FGF1: variants seen among roughly 807,000 people sequenced by gnomAD.
The protein encoded by FGF1 is fibroblast growth factor 1.
Under a neutral mutation model 13.4 loss-of-function variants are expected in FGF1, and 9 were observed. That is an observed-to-expected ratio of 0.67 (90% CI 0.40 to 1.17). The LOEUF is 1.17. FGF1 is among the 50% of genes most tolerant of loss of function. FGF1 has a pLI of 0.01. For synonymous variants in FGF1, 93 were observed against 79.0 expected (o/e 1.18, Z -0.94); for missense variants, 156 against 192.7 (o/e 0.81, Z 1.13).
intron 1 of FGF1, among the ~76,000 whole-genome samples, chr5:142,648,329 A>G (rs1561661509): frequency 6.6e-6 from 1 of 152,182 alleles, no homozygotes; most frequent in African/African-American, 2.4e-5. Flanking sequence ...ATGCAGCCAT[A>G]AAAAAGGATG....
chr5:142,639,017 A>T (rs1398476558), intron 1 of FGF1, among the ~76,000 whole-genome samples: 1 of 152,056 alleles, frequency 6.6e-6, no homozygotes, highest in Non-Finnish European at 1.5e-5. Flanking sequence ...AAGACAAAAG[A>T]TAACAAGTAT....
chr5:142,599,077 C>G (rs1755908447), intron 3 of FGF1, among the ~76,000 whole-genome samples: 1 of 152,164 alleles, frequency 6.6e-6, no homozygotes, highest in African/African-American at 2.4e-5. Context: ...CATGTACGCT[C>G]TGTGTGAGGC....
At chr5:142,659,415 G>C (rs1768778551) in intron 1 of FGF1, among the ~76,000 whole-genome samples, 2 of 151,952 alleles carry the variant, frequency 1.3e-5, no homozygotes, top group South Asian at 4.2e-4. Flanking sequence ...TTTTAGTAGA[G>C]ACAGGGTTTC....
chr5:142,618,921 G>GTTTT lies in FGF1; in HGVS notation c.-34-4761_-34-4760insAAAA, dbSNP rs1343286807. Among the ~76,000 whole-genome samples the GTTTT allele has an allele frequency of 6.5e-4, 70 of 108,368 alleles. 4 individuals are homozygous for GTTTT. The highest frequency in any genetic ancestry group is 2.6e-3 in the East Asian group (7 of 2,662). The allele number at this position is 108,368 out of a possible 152,430, so 71.1% of individuals were successfully genotyped here. A position where few individuals can be genotyped will look rare whatever the true frequency, so the allele number is the denominator to read the frequency against. Reference sequence around the variant, plus strand: ...GGCAAACACTGACATTTATTTTTTAGTTGTTTTGTTTTTTTTTTTTTTTTT... The same window carrying GTTTT: ...GGCAAACACTGACATTTATTTTTTAGTTTTTTGTTTTGTTTTTTTTTTTTTTTTT... On this transcript the variant is annotated intron_variant, in intron 1 of 3. Transcript: ENST00000337706.
intron 1 of FGF1, among the ~76,000 whole-genome samples, chr5:142,640,542 A>G (rs1185202869): frequency 1.3e-5 from 2 of 151,904 alleles, no homozygotes; most frequent in African/African-American, 2.4e-5. Context: ...TGTGATGCGC[A>G]TGAGCAGGGA....
chr5:142,635,228 A>C (rs1028046614), intron 1 of FGF1, among the ~76,000 whole-genome samples: 1 of 152,190 alleles, frequency 6.6e-6, no homozygotes, highest in African/African-American at 2.4e-5. Flanking sequence ...TCTTGTCCAC[A>C]GAATGGGGAT....
At chr5:142,684,382 TGA>T (rs1450009513) in intron 1 of FGF1, among the ~76,000 whole-genome samples, 2 of 152,232 alleles carry the variant, frequency 1.3e-5, no homozygotes, top group Non-Finnish European at 2.9e-5. Context: ...ACAGCAGATT[TGA>T]GAGAGAATTT....
chr5:142,631,302 A>C (rs1763339199), intron 1 of FGF1, among the ~76,000 whole-genome samples: 1 of 152,232 alleles, frequency 6.6e-6, no homozygotes, highest in African/African-American at 2.4e-5. Flanking sequence ...CATCCTCCTG[A>C]GAGCCTGCTG....
intron 1 of FGF1, among the ~76,000 whole-genome samples, chr5:142,685,226 G>A (rs1016103876): frequency 1.2e-4 from 19 of 152,124 alleles, no homozygotes; most frequent in African/African-American, 3.4e-4. Flanking sequence ...AGTGCCCATC[G>A]GAGGGGTACT....
intron 1 of FGF1, among the ~76,000 whole-genome samples, chr5:142,637,309 A>C (rs1764422133): frequency 7.4e-6 from 1 of 134,874 alleles, no homozygotes; most frequent in Non-Finnish European, 1.6e-5. Context: ...GGAAGTGAAG[A>C]ACCACGGCGT....
intron 2 of FGF1, among the ~76,000 whole-genome samples, chr5:142,601,391 GA>G (rs1390846811): frequency 6.6e-5 from 10 of 152,286 alleles, no homozygotes; most frequent in Admixed American, 6.5e-4. Context: ...TGCCACATAT[GA>G]AACTCGGGGA....
chr5:142,697,551 C>T (rs1753321069), intron 2 of FGF1: 1 of 152,416 alleles, frequency 6.6e-6, no homozygotes, highest in South Asian at 2.1e-4. Flanking sequence ...AACGTTCACG[C>T]TGAGCACAAC....
chr5:142,595,404 T>A lies in FGF1; in HGVS notation c.354A>T (p.Ala118=), dbSNP rs1369677679. 6.2e-7 allele frequency: 1 copy of A among 1,614,088 alleles called. No homozygotes were observed. Among genetic ancestry groups the A allele is most frequent in the Non-Finnish European group, 8.5e-7 (1 of 1,179,936 alleles). ...HYNTYISKKH[A]EKNWFVGLKK... ...TGAGGCCAACAAACCAATTCTTCTC[T>A]GCATGCTTCTTGGATATATAGGTGT... Residue 118 remains alanine (A), a synonymous_variant, in exon 4 of 4, where the codon GCA becomes GCT. Transcript: ENST00000337706.
intron 1 of FGF1, among the ~76,000 whole-genome samples, chr5:142,659,094 G>A (rs1768692162): frequency 6.6e-6 from 1 of 152,110 alleles, no homozygotes; most frequent in African/African-American, 2.4e-5. Flanking sequence ...CTCTCATTCA[G>A]GTTCTTTATC....
chr5:142,610,293 C>T (rs1172537332), intron 2 of FGF1, among the ~76,000 whole-genome samples: 1 of 152,200 alleles, frequency 6.6e-6, no homozygotes, highest in African/African-American at 2.4e-5. Flanking sequence ...GGACATTTTA[C>T]CAAGTGGCAG....
intron 1 of FGF1, among the ~76,000 whole-genome samples, chr5:142,646,749 C>T (rs908434974): frequency 1.3e-5 from 2 of 152,278 alleles, no homozygotes; most frequent in East Asian, 1.9e-4. Context: ...GCCTTGGCCT[C>T]CCAAAGTGCT....
At chr5:142,665,583 C>T (rs1321046985) in intron 1 of FGF1, among the ~76,000 whole-genome samples, 2 of 152,148 alleles carry the variant, frequency 1.3e-5, no homozygotes, top group African/African-American at 4.8e-5. Flanking sequence ...TGCCTCTGTC[C>T]TCCCGGAATT....
intron 2 of FGF1, among the ~76,000 whole-genome samples, chr5:142,695,293 G>T (rs952096837): frequency 1.3e-5 from 2 of 152,144 alleles, no homozygotes; most frequent in African/African-American, 4.8e-5. Flanking sequence ...AAGACCTCAA[G>T]GCTGGGCGCA....
rs138608593 is a variant in FGF1 at position 142,684,112 on chromosome 5, G to A, written c.-35+1845C>T. On this transcript the variant is annotated intron_variant, in intron 1 of 3. Coordinates refer to ENST00000337706, the MANE Select transcript of FGF1 (RefSeq NM_000800.5). Reference sequence around the variant, plus strand: ...TGAGATCCAAGAACCCTCTCTTGGGGTCTGGATCTCTTTCCTGTAACAGCA... The same window carrying A: ...TGAGATCCAAGAACCCTCTCTTGGGATCTGGATCTCTTTCCTGTAACAGCA... Among the ~76,000 whole-genome samples, 265 of 152,308 alleles carry A rather than the reference G, an allele frequency of 1.7e-3. 1 individual carries two copies. The highest frequency in any genetic ancestry group is 6.1e-3 in the African/African-American group (255 of 41,564).
Sources: allele counts gnomAD v4.1 joint callset (sites outside exome capture counted in the v4.1 genomes callset), GRCh38; gene constraint gnomAD v4.1.1; transcripts MANE v1.5; gene names NCBI Gene and HGNC (gene_info 2026-07-23, HGNC 2026-07-21).